Variants in ASAP2 observed in about 807,000 individuals in gnomAD.
The protein encoded by ASAP2 is arf-GAP with SH3 domain, ANK repeat and PH domain-containing protein 2.
ASAP2 carries 45 observed loss-of-function variants against 131.4 expected under a neutral mutation model. The observed-to-expected ratio is 0.34, with a 90% CI of 0.27 to 0.44. The LOEUF (loss-of-function observed/expected upper bound fraction) is 0.44. ASAP2 is among the 20% of genes least tolerant of loss of function. ASAP2 has a pLI of 1.00. For missense variants in ASAP2, 1,011 were observed against 1,297.0 expected (o/e 0.78, Z 3.39); for synonymous variants, 510 against 503.0 (o/e 1.01, Z -0.19).
At position 9,320,218 on chromosome 2, in the gene ASAP2, G is replaced by T; in HGVS notation, c.421-70G>T. 4 of 1,299,286 alleles carry T rather than the reference G, an allele frequency of 3.1e-6. No individual in the cohort carries two copies. In the South Asian group the frequency reaches 4.9e-5, roughly 16 times the overall value. 80.5% of individuals were successfully genotyped at this position (1,299,286 alleles called of 1,614,324 possible). A position where few individuals can be genotyped will look rare whatever the true frequency, so the allele number is the denominator to read the frequency against. The stretch of plus-strand genomic sequence containing the variant: ...AATGCTCCTTTCAGGGCTAGTACAG[G>T]GATAAGTAAGTTTATCTTGCACAGA... On this transcript the variant is annotated intron_variant, in intron 4 of 27. Transcript: ENST00000281419.
rs188287302 is a variant in ASAP2, at chr2:9,226,164, C to T, written c.126+18934C>T. 6.0e-4 allele frequency among the ~76,000 whole-genome samples: 92 copies of T among 152,276 alleles called. 1 individual carries two copies. Among genetic ancestry groups the T allele is most frequent in the African/African-American group, 2.0e-3 (83 of 41,542 alleles). ...TTGAAGTCCCACAGCTGGCTGGCCA[C>T]GTAGACGATAATGCTGTACACCAGA... On this transcript the variant is annotated intron_variant, in intron 1 of 27. Coordinates refer to ENST00000281419, the MANE Select transcript of ASAP2 (RefSeq NM_003887.3).
intron 1 of ASAP2, among the ~76,000 whole-genome samples, chr2:9,276,968 ACTGT>A (rs1362892084): frequency 1.3e-5 from 2 of 152,160 alleles, no homozygotes; most frequent in Non-Finnish European, 2.9e-5. Context: ...GGTGTCTTCC[ACTGT>A]CTGTGGGGAG....
At chr2:9,307,484 C>T (rs975589815) in intron 3 of ASAP2, among the ~76,000 whole-genome samples, 2 of 152,216 alleles carry the variant, frequency 1.3e-5, no homozygotes, top group East Asian at 3.8e-4. Context: ...TACCATCACC[C>T]GGTTTTAGAA....
chr2:9,292,572 A>G (rs1364711053), intron 2 of ASAP2, among the ~76,000 whole-genome samples: 2 of 152,168 alleles, frequency 1.3e-5, no homozygotes, highest in African/African-American at 4.8e-5. Flanking sequence ...GTGGGAACAC[A>G]TAGGACTCCC....
At position 9,357,058 on chromosome 2, in the gene ASAP2, CT is replaced by C. The variant is rs376503789; in HGVS notation, c.1327+714del. On this transcript the variant is annotated intron_variant, in intron 14 of 27. Coordinates refer to ENST00000281419, the MANE Select transcript of ASAP2 (RefSeq NM_003887.3). ...AGAATGGTTAATCCCCTTTTCATTC[CT>C]CTAATTCTATGACAATTTTTCTTAA... is the stretch of plus-strand genomic sequence containing the variant. Among the ~76,000 whole-genome samples the C allele has an allele frequency of 2.9e-4, 44 of 152,012 alleles. 2 individuals carry two copies. In the East Asian group the frequency reaches 8.5e-3, roughly 29 times the overall value.
Position 9,356,105 on chromosome 2 carries a change from A to C in ASAP2, c.1160+10A>C, listed in dbSNP as rs748095534. The C allele has an allele frequency of 1.2e-6, 2 of 1,614,210 alleles. No homozygotes were observed. Among genetic ancestry groups the C allele is most frequent in the Non-Finnish European group, 1.7e-6 (2 of 1,180,040 alleles). On this transcript the variant is annotated intron_variant, in intron 13 of 27. Transcript: ENST00000281419. ...AACAGGAATGTCAAATGTAAGTTAC[A>C]TGGTGGTGGGACTTTGGGCTGGACT...
At chr2:9,391,740 A>ATTTTTTTTT (rs33928425) in intron 23 of ASAP2, among the ~76,000 whole-genome samples, 1 of 128,510 alleles carries the variant, frequency 7.8e-6, no homozygotes, top group Non-Finnish European at 1.7e-5. Flanking sequence ...ATGCTCAGCT[A>ATTTTTTTTT]TTTTTTTTTT....
At chr2:9,306,924 G>A (rs2148444593) in intron 3 of ASAP2, among the ~76,000 whole-genome samples, 1 of 152,228 alleles carries the variant, frequency 6.6e-6, no homozygotes, top group Admixed American at 6.5e-5. Flanking sequence ...ATCGCCTGGG[G>A]CTTCTTAGAA....
chr2:9,236,381 A>T (rs1663552531), intron 1 of ASAP2, among the ~76,000 whole-genome samples: 1 of 152,060 alleles, frequency 6.6e-6, no homozygotes, highest in African/African-American at 2.4e-5. Flanking sequence ...TATATTCCTG[A>T]CATATTCTTA....
intron 15 of ASAP2, among the ~76,000 whole-genome samples, chr2:9,362,564 TGTG>T (rs749564735): frequency 2.6e-5 from 4 of 152,136 alleles, no homozygotes; most frequent in Non-Finnish European, 4.4e-5. Context: ...TTGAGCCTGG[TGTG>T]GTGGCCGGCG....
chr2:9,252,330 C>T (rs1664765523), intron 1 of ASAP2, among the ~76,000 whole-genome samples: 1 of 152,180 alleles, frequency 6.6e-6, no homozygotes. Flanking sequence ...CCTGTAATCC[C>T]AGCACTTTGA....
At chr2:9,323,891 G>C (rs1161816805) in intron 6 of ASAP2, among the ~76,000 whole-genome samples, 1 of 152,206 alleles carries the variant, frequency 6.6e-6, no homozygotes, top group Non-Finnish European at 1.5e-5. Context: ...GGATTATGAA[G>C]GCCTTTGCTC....
intron 1 of ASAP2, among the ~76,000 whole-genome samples, chr2:9,208,906 T>G (rs1382022597): frequency 2.0e-5 from 3 of 152,256 alleles, no homozygotes. Flanking sequence ...AAAGTTCTGT[T>G]GCTTTTCCCC....
chr2:9,257,185 T>A (rs1665227802), intron 1 of ASAP2, among the ~76,000 whole-genome samples: 1 of 152,202 alleles, frequency 6.6e-6, no homozygotes, highest in African/African-American at 2.4e-5. Context: ...GATTCAAAAA[T>A]CAGAAGGTGC....
intron 1 of ASAP2, among the ~76,000 whole-genome samples, chr2:9,256,408 A>G (rs1429589682): frequency 1.3e-4 from 13 of 102,450 alleles, no homozygotes; most frequent in Non-Finnish European, 2.3e-4. Context: ...AGCGTTTAAC[A>G]TGCTGTGCCA....
intron 21 of ASAP2, 22 bp downstream of exon 21, chr2:9,385,380 A>G (rs1371851237): frequency 4.4e-6 from 7 of 1,577,320 alleles, no homozygotes; most frequent in Admixed American, 1.7e-5. Flanking sequence ...GTTGCTAACC[A>G]TTAAGAGTTT....
intron 12 of ASAP2, 33 bp downstream of exon 12, chr2:9,350,928 G>A (rs1259363610): frequency 6.5e-7 from 1 of 1,539,726 alleles, no homozygotes; most frequent in Non-Finnish European, 8.9e-7. Context: ...GCGCCATAGA[G>A]ACGTTGTCTT....
rs375829366 is a variant in ASAP2, at chr2:9,320,275, T to A, written c.421-13T>A. 1 of 1,605,940 alleles carries A rather than the reference T, an allele frequency of 6.2e-7. No homozygotes were observed. The highest frequency in any genetic ancestry group is 8.5e-7 in the Non-Finnish European group (1 of 1,173,792). On this transcript the variant is annotated splice_polypyrimidine_tract_variant and intron_variant, in intron 4 of 27. Transcript: ENST00000281419. ...TGATTAGTCTTGCCTAATTTATTAT[T>A]CTTTGTTTACAGGATCTGAAAAAGC...
intron 9 of ASAP2, among the ~76,000 whole-genome samples, chr2:9,336,940 G>A (rs1223551831): frequency 1.3e-5 from 2 of 152,228 alleles, no homozygotes; most frequent in Non-Finnish European, 2.9e-5. Context: ...CAGCTGCTGG[G>A]GCCAAATGGC....
Sources: gnomAD v4.1 joint callset for allele counts (sites outside exome capture counted in the v4.1 genomes callset) on GRCh38, gnomAD v4.1.1 for gene constraint, MANE v1.5 for transcripts, NCBI Gene and HGNC (gene_info 2026-07-23, HGNC 2026-07-21) for gene names.